The following FAT3 variants were observed in gnomAD, a reference collection of about 807,000 sequenced individuals.
FAT3 encodes FAT atypical cadherin 3.
In FAT3, 95 loss-of-function variants were observed where a neutral mutation model predicts 310.2. The ratio of observed to expected loss-of-function variants is 0.31; its 90% CI spans 0.26 to 0.36. FAT3 has a LOEUF of 0.36. FAT3 is among the 10% of genes least tolerant of loss of function. The pLI is 1.00. For synonymous variants in FAT3, 2,314 were observed against 2,192.9 expected (o/e 1.06, Z -1.54); for missense variants, 5,408 against 5,715.6 (o/e 0.95, Z 1.74).
chr11:92,251,966 T>A (rs1865159253), intron 1 of FAT3, among the ~76,000 whole-genome samples: 1 of 152,212 alleles, frequency 6.6e-6, no homozygotes, highest in Non-Finnish European at 1.5e-5. Context: ...ATATCTTTTC[T>A]TCTATTTTGC....
rs1246799739 is a variant in FAT3 at position 92,800,254 on chromosome 11, C to G, written c.7241C>G (p.Thr2414Ser). The G allele has an allele frequency of 6.2e-7, 1 of 1,613,928 alleles. No individual in the cohort carries two copies. The highest frequency in any genetic ancestry group is 8.5e-7 in the Non-Finnish European group (1 of 1,179,858). Reference protein sequence around the residue: ...SELAPRGHFVTCVQASDADSS... With the variant: ...SELAPRGHFVSCVQASDADSS... ...TTAGCCCCCCGGGGCCATTTTGTAA[C>G]CTGTGTACAAGCCTCTGATGCAGAC... Residue 2414 changes from threonine to serine, a missense_variant, in exon 10 of 28, where the codon ACC becomes AGC. Physicochemically the swap from Thr to Ser is moderately conservative, Grantham distance 58. Around this residue, in one of 5 missense-constraint regions of FAT3, gnomAD observed 4,588 missense variants for 4,809.8 expected, o/e 0.95. Coordinates refer to ENST00000525166, the MANE Select transcript of FAT3 (RefSeq NM_001367949.2).
chr11:92,296,198 G>A (rs896841242), intron 1 of FAT3, among the ~76,000 whole-genome samples: 23 of 152,078 alleles, frequency 1.5e-4, no homozygotes, highest in Admixed American at 7.2e-4. Flanking sequence ...ATTCCTACAC[G>A]GTCTTTGGGA....
chr11:92,855,980 C>CTTTTTTT lies in FAT3; in HGVS notation c.11366-1222_11366-1216dup, dbSNP rs58995060. 3.9e-5 allele frequency among the ~76,000 whole-genome samples: 5 copies of CTTTTTTT among 129,238 alleles called. 1 individual carries two copies. The highest frequency in any genetic ancestry group is 6.4e-5 in the Non-Finnish European group (4 of 62,766). The allele number at this position is 129,238 out of a possible 152,430, so 84.8% of individuals were successfully genotyped here. Reference sequence around the variant, plus strand: ...AATGACTGTACCTTGGGACAATATGCTTTTTTTTTTTTTTTTTTGAGACAG... The same window carrying CTTTTTTT: ...AATGACTGTACCTTGGGACAATATGCTTTTTTTTTTTTTTTTTTTTTTTTTGAGACAG... On this transcript the variant is annotated intron_variant, in intron 19 of 27. Transcript: ENST00000525166.
chr11:92,386,448 C>G (rs1188406315), intron 2 of FAT3, among the ~76,000 whole-genome samples: 1 of 152,156 alleles, frequency 6.6e-6, no homozygotes, highest in Non-Finnish European at 1.5e-5. Context: ...TGAAACGTTT[C>G]CCATGTAGTA....
rs756390071 is a variant in FAT3, at chr11:92,891,022, T to A, written c.13679T>A (p.Val4560Glu). 1 of 1,613,928 alleles carries A rather than the reference T, an allele frequency of 6.2e-7. No homozygotes were observed. The highest frequency in any genetic ancestry group is 1.1e-5 in the South Asian group (1 of 91,064). ...SANCGFDDSE[V>E]AMSDYESVGE... ...AACTGCGGCTTTGACGATTCCGAAG[T>A]AGCCATGAGTGACTACGAGAGCGTG... The change falls in exon 28 of 28, where the codon GTA becomes GAA. Residue 4560 changes from valine to glutamate, a missense_variant. This residue lies in a region of FAT3 where 649 missense variants were observed against 666.2 expected (regional missense o/e 0.97). Transcript: ENST00000525166.
intron 4 of FAT3, among the ~76,000 whole-genome samples, chr11:92,711,523 G>T (rs74508536): frequency 6.6e-6 from 1 of 152,128 alleles, no homozygotes; most frequent in Non-Finnish European, 1.5e-5. Flanking sequence ...CTAAAGGAAA[G>T]ACTCTGGACA....
At chr11:92,483,211 GGAA>G (rs1164857651) in intron 2 of FAT3, among the ~76,000 whole-genome samples, 4 of 152,136 alleles carry the variant, frequency 2.6e-5, no homozygotes, top group African/African-American at 9.7e-5. Context: ...TGGGCAATCT[GGAA>G]GGAGTGCATT....
intron 19 of FAT3, among the ~76,000 whole-genome samples, chr11:92,856,552 C>A (rs542168048): frequency 6.6e-6 from 1 of 152,288 alleles, no homozygotes; most frequent in African/African-American, 2.4e-5. Context: ...TTTCATCTTA[C>A]TGTGCTGTGA....
At chr11:92,674,851 A>G (rs187450267) in intron 3 of FAT3, among the ~76,000 whole-genome samples, 88 of 152,328 alleles carry the variant, frequency 5.8e-4, no homozygotes, top group African/African-American at 2.0e-3. Flanking sequence ...TCTTCAAGGC[A>G]TAAAATGATC....
chr11:92,649,154 C>T (rs907104834), intron 3 of FAT3, among the ~76,000 whole-genome samples: 5 of 152,148 alleles, frequency 3.3e-5, no homozygotes, highest in Non-Finnish European at 5.9e-5. Context: ...TGAAGACTGG[C>T]ATTTCTCCTA....
chr11:92,588,382 A>G (rs1432540914), intron 3 of FAT3, among the ~76,000 whole-genome samples: 4 of 152,114 alleles, frequency 2.6e-5, no homozygotes, highest in Middle Eastern at 3.4e-3. Flanking sequence ...AAATCCAGTT[A>G]CACATGTAAC....
intron 4 of FAT3, among the ~76,000 whole-genome samples, chr11:92,756,155 G>A (rs1945984668): frequency 1.3e-5 from 2 of 152,140 alleles, no homozygotes; most frequent in East Asian, 1.9e-4. Context: ...TTCCATAGGG[G>A]ATATGTTCCA....
chr11:92,697,266 T>C (rs1199047738), intron 3 of FAT3, 118 bp from the exon 4 acceptor site: 5 of 715,422 alleles, frequency 7.0e-6, no homozygotes, highest in South Asian at 3.9e-5. Context: ...TCATGGGGGA[T>C]TGGAAAGTTA....
chr11:92,240,208 T>C (rs1864618875), intron 1 of FAT3, among the ~76,000 whole-genome samples: 2 of 152,134 alleles, frequency 1.3e-5, no homozygotes, highest in Admixed American at 1.3e-4. Flanking sequence ...ATTTTTTTCA[T>C]TTAATTGTAC....
intron 6 of FAT3, among the ~76,000 whole-genome samples, 160 bp downstream of exon 6, chr11:92,765,249 C>T (rs1275431597): frequency 6.6e-6 from 1 of 151,978 alleles, no homozygotes; most frequent in Non-Finnish European, 1.5e-5. Context: ...AGTGAATAAT[C>T]GACCTGTGCT....
chr11:92,666,517 ATTTTTTT>A (rs538189157), intron 3 of FAT3, among the ~76,000 whole-genome samples: 1 of 132,474 alleles, frequency 7.5e-6, no homozygotes, highest in Non-Finnish European at 1.6e-5. Flanking sequence ...ACGCCCAGCT[ATTTTTTT>A]TTTTTTTTTG....
chr11:92,566,444 G>C (rs1361356652), intron 3 of FAT3, among the ~76,000 whole-genome samples: 2 of 151,856 alleles, frequency 1.3e-5, no homozygotes, highest in African/African-American at 4.8e-5. Flanking sequence ...TCAATATCGT[G>C]AAAATGGCCA....
At chr11:92,532,873 G>A (rs188546866) in intron 3 of FAT3, among the ~76,000 whole-genome samples, 19 of 152,230 alleles carry the variant, frequency 1.2e-4, no homozygotes, top group Admixed American at 2.0e-4. Context: ...GATGAAAAGG[G>A]GGGAAGAAAA....
chr11:92,726,679 T>A (rs1203248327), intron 4 of FAT3, among the ~76,000 whole-genome samples: 4 of 151,716 alleles, frequency 2.6e-5, no homozygotes, highest in African/African-American at 9.7e-5. Flanking sequence ...ATGGTTAAAC[T>A]AAAAAATAAT....
Sources: gnomAD v4.1 joint callset for allele counts (sites outside exome capture counted in the v4.1 genomes callset) on GRCh38, gnomAD v4.1.1 for gene constraint, gnomAD v4.1.1 regional missense constraint, MANE v1.5 for transcripts, NCBI Gene and HGNC (gene_info 2026-07-23, HGNC 2026-07-21) for gene names.